Variants in CSNK2A2IP observed in about 807,000 individuals in gnomAD.
CSNK2A2IP encodes casein kinase 2 subunit alpha' interacting protein.
chr3:88,413,247 A>G, the CSNK2A2IP span, among the ~76,000 whole-genome samples: 1 of 151,980 alleles, frequency 6.6e-6, no homozygotes, highest in Non-Finnish European at 1.5e-5. Context: ...AACATCAGAT[A>G]TATCTGGAAA....
the CSNK2A2IP span, among the ~76,000 whole-genome samples, chr3:88,446,043 TTTCTTTC>T: frequency 9.0e-5 from 3 of 33,446 alleles, no homozygotes; most frequent in African/African-American, 2.9e-4. Flanking sequence ...TCTTTCTTTC[TTTCTTTC>T]TTTCTTTCTT....
chr3:88,392,415 A>C, the CSNK2A2IP span, among the ~76,000 whole-genome samples: 1 of 152,232 alleles, frequency 6.6e-6, no homozygotes. Context: ...GCTAGAGAAG[A>C]CAAGGAGATG....
chr3:88,434,311 G>T, the CSNK2A2IP span, among the ~76,000 whole-genome samples: 72 of 151,922 alleles, frequency 4.7e-4, no homozygotes, highest in African/African-American at 1.7e-3. Flanking sequence ...AGTCTTTGTA[G>T]GTCTGGTAAA....
At chr3:88,372,752 G>A in the CSNK2A2IP span, among the ~76,000 whole-genome samples, 2 of 151,248 alleles carry the variant, frequency 1.3e-5, no homozygotes, top group East Asian at 3.9e-4. Context: ...TTTTTATATT[G>A]CATTTTAAAT....
At chr3:88,423,902 G>T in the CSNK2A2IP span, among the ~76,000 whole-genome samples, 4 of 152,068 alleles carry the variant, frequency 2.6e-5, no homozygotes, top group African/African-American at 9.7e-5. Context: ...AGAAAAAAAT[G>T]AGCAAACTTA....
the CSNK2A2IP span, among the ~76,000 whole-genome samples, chr3:88,462,392 C>T: frequency 1.3e-5 from 2 of 152,070 alleles, no homozygotes; most frequent in Non-Finnish European, 2.9e-5. Flanking sequence ...CATGAGAAAC[C>T]TCAGTGTTTA....
At chr3:88,425,033 T>G in the CSNK2A2IP span, among the ~76,000 whole-genome samples, 1 of 152,066 alleles carries the variant, frequency 6.6e-6, no homozygotes, top group African/African-American at 2.4e-5. Context: ...TGAAAATTTG[T>G]ATATATGAGT....
At chr3:88,462,676 T>C in the CSNK2A2IP span, among the ~76,000 whole-genome samples, 2 of 152,196 alleles carry the variant, frequency 1.3e-5, no homozygotes, top group African/African-American at 4.8e-5. Context: ...AGGGTGAAGC[T>C]GCCAGGGATG....
chr3:88,391,554 T>C, the CSNK2A2IP span, among the ~76,000 whole-genome samples: 1 of 152,224 alleles, frequency 6.6e-6, no homozygotes, highest in Non-Finnish European at 1.5e-5. Context: ...GTTTCATCCT[T>C]TGTTGTTCTT....
At chr3:88,439,618 T>A in the CSNK2A2IP span, among the ~76,000 whole-genome samples, 1 of 151,530 alleles carries the variant, frequency 6.6e-6, no homozygotes, top group African/African-American at 2.4e-5. Context: ...GGTGCGCACC[T>A]GTAATCCCAG....
At chr3:88,431,748 A>G in the CSNK2A2IP span, among the ~76,000 whole-genome samples, 1 of 152,214 alleles carries the variant, frequency 6.6e-6, no homozygotes, top group Non-Finnish European at 1.5e-5. Flanking sequence ...GCCAACAGCA[A>G]CAAAAAAGAA....
At chr3:88,437,045 A>C in the CSNK2A2IP span, among the ~76,000 whole-genome samples, 1 of 152,286 alleles carries the variant, frequency 6.6e-6, no homozygotes, top group East Asian at 1.9e-4. Flanking sequence ...AAATTCCTAT[A>C]GGTGTTTTCT....
At chr3:88,416,718 C>G in the CSNK2A2IP span, among the ~76,000 whole-genome samples, 395 of 152,312 alleles carry the variant, frequency 2.6e-3, 1 homozygote, top group African/African-American at 9.2e-3. Flanking sequence ...GACAACATAT[C>G]TATAAATCCT....
the CSNK2A2IP span, among the ~76,000 whole-genome samples, chr3:88,431,530 A>G: frequency 6.6e-6 from 1 of 152,184 alleles, no homozygotes; most frequent in African/African-American, 2.4e-5. Context: ...TGATGGGTGC[A>G]CCAAAATCTC....
At chr3:88,413,475 G>A in the CSNK2A2IP span, among the ~76,000 whole-genome samples, 1 of 151,958 alleles carries the variant, frequency 6.6e-6, no homozygotes, top group Non-Finnish European at 1.5e-5. Flanking sequence ...ATATTCTTGG[G>A]TGTGGTAATG....
chr3:88,427,237 C>G, the CSNK2A2IP span, among the ~76,000 whole-genome samples: 1 of 152,142 alleles, frequency 6.6e-6, no homozygotes, highest in Non-Finnish European at 1.5e-5. Flanking sequence ...TGCCCTTGCC[C>G]TAGAGATCTG....
At chr3:88,449,719 C>T in the CSNK2A2IP span, among the ~76,000 whole-genome samples, 1 of 144,900 alleles carries the variant, frequency 6.9e-6, no homozygotes, top group Non-Finnish European at 1.5e-5. Context: ...ACACTCCACA[C>T]TTTCCTCAAT....
chr3:88,426,889 T>TGGGG, the CSNK2A2IP span, among the ~76,000 whole-genome samples: 34 of 123,802 alleles, frequency 2.7e-4, 1 homozygote, highest in South Asian at 8.6e-4. Flanking sequence ...CCACGGGGGA[T>TGGGG]GGGGGGGGGC....
At chr3:88,456,444 T>C in the CSNK2A2IP span, among the ~76,000 whole-genome samples, 2 of 152,096 alleles carry the variant, frequency 1.3e-5, no homozygotes, top group African/African-American at 4.8e-5. Context: ...TATTTTATTC[T>C]GTTTCATGCT....
Sources: gnomAD v4.1 joint callset for allele counts (sites outside exome capture counted in the v4.1 genomes callset) on GRCh38, gnomAD v4.1.1 for gene constraint, MANE v1.5 for transcripts, NCBI Gene and HGNC (gene_info 2026-07-23, HGNC 2026-07-21) for gene names.